PCDH9: variants seen among roughly 807,000 people sequenced by gnomAD.
The protein encoded by PCDH9 is protocadherin-9.
PCDH9 carries 24 observed loss-of-function variants against 70.6 expected under a neutral mutation model. That is an observed-to-expected ratio of 0.34 (90% CI 0.25 to 0.48). PCDH9 has a LOEUF of 0.48. Among genes scored for constraint, PCDH9 ranks in the 20% least tolerant of loss-of-function variants. PCDH9 has a pLI of 0.99. For synonymous variants in PCDH9, 562 were observed against 558.5 expected, an observed-to-expected ratio of 1.01 and a Z score of -0.09; for missense variants, 1,281 against 1,503.6, an observed-to-expected ratio of 0.85 and a Z score of 2.45.
chr13:67,106,780 TTGGCCTTCCCC>T (rs2086553820), intron 2 of PCDH9, among the ~76,000 whole-genome samples: 1 of 152,218 alleles, frequency 6.6e-6, no homozygotes, highest in African/African-American at 2.4e-5. Flanking sequence ...CTCCCACTGC[TTGGCCTTCCCC>T]TGGCCTCTCC....
At chr13:66,932,608 G>A (rs1385446274) in intron 2 of PCDH9, among the ~76,000 whole-genome samples, 19 of 145,944 alleles carry the variant, frequency 1.3e-4, no homozygotes, top group African/African-American at 4.6e-4. Context: ...GAAAGTTTGG[G>A]GGAAAAAAAA....
At chr13:66,545,845 A>ATT (rs1961170042) in intron 4 of PCDH9, among the ~76,000 whole-genome samples, 1 of 145,736 alleles carries the variant, frequency 6.9e-6, no homozygotes, top group South Asian at 2.2e-4. Context: ...TTATTTATTT[A>ATT]TTTATTTATT....
In PCDH9 at chr13:66,730,896, T is replaced by G. The variant is rs1013372410; in HGVS notation, c.3139-99485A>C. On this transcript the variant is annotated intron_variant, in intron 3 of 4. Coordinates refer to ENST00000377865, the MANE Select transcript of PCDH9 (RefSeq NM_203487.3). ...TGTGTGTTTTTTTTTTGTTTGTTTC[T>G]TTTTTTTTGTGGAGACAGAGGTCTC... Among the ~76,000 whole-genome samples the G allele has an allele frequency of 4.8e-4, 36 of 75,644 alleles. 2 individuals are homozygous for G. The highest frequency in any genetic ancestry group is 7.6e-4 in the Non-Finnish European group (25 of 32,846). The allele number at this position is 75,644 out of a possible 152,430, so 49.6% of individuals were successfully genotyped here. A position where few individuals can be genotyped will look rare whatever the true frequency, so the allele number is the denominator to read the frequency against.
At chr13:67,154,707 T>A (rs569058199) in intron 2 of PCDH9, among the ~76,000 whole-genome samples, 18,486 of 131,936 alleles carry the variant, frequency 0.14, 1,566 homozygotes, top group Non-Finnish European at 0.19. Flanking sequence ...TCTGTAATCT[T>A]TTTTTTTTTT....
intron 3 of PCDH9, among the ~76,000 whole-genome samples, chr13:66,779,394 T>C (rs557752793): frequency 1.7e-3 from 257 of 152,318 alleles, no homozygotes; most frequent in Middle Eastern, 0.014. Context: ...AATGGGATCT[T>C]ATTCAGACCT....
At chr13:66,782,341 G>C (rs1395624894) in intron 3 of PCDH9, among the ~76,000 whole-genome samples, 1 of 152,070 alleles carries the variant, frequency 6.6e-6, no homozygotes, top group Non-Finnish European at 1.5e-5. Flanking sequence ...GAAAGCAAGA[G>C]AGAATGCAGG....
intron 4 of PCDH9, among the ~76,000 whole-genome samples, chr13:66,554,730 A>C (rs74093336): frequency 0.032 from 4,858 of 152,216 alleles, 251 homozygotes; most frequent in African/African-American, 0.11. Context: ...AGAGATACTA[A>C]AGATTAATTT....
intron 4 of PCDH9, among the ~76,000 whole-genome samples, chr13:66,485,672 T>C: frequency 6.6e-6 from 1 of 152,282 alleles, no homozygotes; most frequent in Middle Eastern, 3.4e-3. Context: ...ATCATAAATT[T>C]ATTTTAACTA....
rs916646632 is a variant in PCDH9 at position 66,915,815 on chromosome 13, C to T, written c.3037-12210G>A. On this transcript the variant is annotated intron_variant, in intron 2 of 4. Transcript: ENST00000377865. Reference sequence around the variant, plus strand: ...CACTGAGCTCAGTAGCTCTGAATCCCTTTTTGCCTTTCTTTTAGCCCTAGC... The same window carrying T: ...CACTGAGCTCAGTAGCTCTGAATCCTTTTTTGCCTTTCTTTTAGCCCTAGC... Among the ~76,000 whole-genome samples, 5 of 151,568 alleles carry T rather than the reference C, an allele frequency of 3.3e-5. No individual in the cohort carries two copies. The South Asian group carries it at 8.3e-4, about 25-fold the overall frequency.
chr13:66,919,808 A>T (rs2082611588), intron 2 of PCDH9, among the ~76,000 whole-genome samples: 1 of 151,142 alleles, frequency 6.6e-6, no homozygotes, highest in African/African-American at 2.4e-5. Context: ...AGATAATTAG[A>T]TGTGAAATAA....
chr13:67,032,137 T>C (rs1193990823), intron 2 of PCDH9, among the ~76,000 whole-genome samples: 1 of 152,060 alleles, frequency 6.6e-6, no homozygotes, highest in Non-Finnish European at 1.5e-5. Flanking sequence ...TTTTAAAGTT[T>C]AAATACCACT....
intron 4 of PCDH9, among the ~76,000 whole-genome samples, chr13:66,586,502 T>C (rs532808021): frequency 6.6e-6 from 1 of 152,004 alleles, no homozygotes; most frequent in Admixed American, 6.6e-5. Context: ...GCTAGAATGG[T>C]TGGGGCGCTC....
intron 4 of PCDH9, among the ~76,000 whole-genome samples, chr13:66,308,648 G>C (rs1955511449): frequency 6.6e-6 from 1 of 152,016 alleles, no homozygotes; most frequent in African/African-American, 2.4e-5. Context: ...ATGAAAAACT[G>C]AGTAGGGTTA....
intron 4 of PCDH9, among the ~76,000 whole-genome samples, chr13:66,543,389 T>A (rs1258926473): frequency 2.0e-5 from 3 of 151,910 alleles, no homozygotes; most frequent in Non-Finnish European, 4.4e-5. Context: ...GCTAACATGG[T>A]GAAACTCCCT....
At chr13:66,537,513 T>C (rs1234006617) in intron 4 of PCDH9, among the ~76,000 whole-genome samples, 1 of 152,028 alleles carries the variant, frequency 6.6e-6, no homozygotes, top group Non-Finnish European at 1.5e-5. Context: ...ATGCAGATAC[T>C]GGGCCAAGAG....
rs553604823 is a variant in PCDH9 at position 66,358,545 on chromosome 13, G to T, written c.3341-53517C>A. ...TGGATAATTACAAATTTTCATCTAC[G>T]GAAAACTTTTTTTTCAAGGTATACA... is the stretch of plus-strand genomic sequence containing the variant. On this transcript the variant is annotated intron_variant, in intron 4 of 4. Transcript: ENST00000377865. Among the ~76,000 whole-genome samples, 95 of 151,804 alleles carry T rather than the reference G, an allele frequency of 6.3e-4. 5 individuals are homozygous for T. In the South Asian group the frequency reaches 0.02, roughly 31 times the overall value.
At chr13:67,160,010 T>C (rs1228677072) in intron 2 of PCDH9, among the ~76,000 whole-genome samples, 1 of 152,158 alleles carries the variant, frequency 6.6e-6, no homozygotes, top group Non-Finnish European at 1.5e-5. Context: ...ACTTCTTCCA[T>C]TGTCAAAGAA....
chr13:67,068,773 C>T (rs2085701675), intron 2 of PCDH9, among the ~76,000 whole-genome samples: 1 of 152,154 alleles, frequency 6.6e-6, no homozygotes, highest in Non-Finnish European at 1.5e-5. Flanking sequence ...ACATTTAACA[C>T]ATCAACTATT....
intron 2 of PCDH9, among the ~76,000 whole-genome samples, chr13:66,967,083 A>C (rs990067525): frequency 6.6e-6 from 1 of 152,098 alleles, no homozygotes; most frequent in Non-Finnish European, 1.5e-5. Context: ...TCCCAACCTG[A>C]AAATTGTGAA....
Sources: gnomAD v4.1 joint callset for allele counts (sites outside exome capture counted in the v4.1 genomes callset) on GRCh38, gnomAD v4.1.1 for gene constraint, MANE v1.5 for transcripts, NCBI Gene and HGNC (gene_info 2026-07-23, HGNC 2026-07-21) for gene names.